CADM2: variants seen among roughly 807,000 people sequenced by gnomAD.
CADM2 encodes immunoglobulin superfamily member 4D.
In CADM2, 12 loss-of-function variants were observed where a neutral mutation model predicts 49.8. The ratio of observed to expected loss-of-function variants is 0.24; its 90% CI spans 0.15 to 0.39. CADM2 has a LOEUF of 0.39. CADM2 is among the 10% of genes least tolerant of loss of function. CADM2 has a pLI of 1.00. For synonymous variants in CADM2, 214 were observed against 175.4 expected, an observed-to-expected ratio of 1.22 and a Z score of -1.74; for missense variants, 378 against 492.3, an observed-to-expected ratio of 0.77 and a Z score of 2.20.
At chr3:85,662,225 A>G (rs904931823) in intron 1 of CADM2, among the ~76,000 whole-genome samples, 5 of 142,300 alleles carry the variant, frequency 3.5e-5, no homozygotes, top group Admixed American at 2.2e-4. Context: ...TTTTGACAGT[A>G]TAGGTGGGTT....
chr3:85,076,915 T>C (rs2036967775), intron 1 of CADM2, among the ~76,000 whole-genome samples: 1 of 152,038 alleles, frequency 6.6e-6, no homozygotes, highest in Non-Finnish European at 1.5e-5. Flanking sequence ...GAGGTTGCAG[T>C]GAGACAAGAT....
intron 1 of CADM2, among the ~76,000 whole-genome samples, chr3:85,548,658 G>C (rs1485399361): frequency 6.6e-6 from 1 of 152,096 alleles, no homozygotes; most frequent in Non-Finnish European, 1.5e-5. Flanking sequence ...CAGTTTTAAG[G>C]CTGAAGGTTT....
At chr3:85,780,349 C>A (rs1457350866) in intron 2 of CADM2, among the ~76,000 whole-genome samples, 2 of 152,172 alleles carry the variant, frequency 1.3e-5, no homozygotes, top group Admixed American at 6.6e-5. Context: ...TGTCCTCAAT[C>A]TTTCTGTTGA....
intron 1 of CADM2, among the ~76,000 whole-genome samples, chr3:85,023,081 T>C (rs2034576240): frequency 6.6e-6 from 1 of 152,124 alleles, no homozygotes; most frequent in African/African-American, 2.4e-5. Flanking sequence ...ACAAAGTGAA[T>C]AGTAAAGAAA....
intron 1 of CADM2, among the ~76,000 whole-genome samples, chr3:85,497,921 AT>A (rs2039969511): frequency 6.6e-6 from 1 of 152,016 alleles, no homozygotes. Flanking sequence ...ATATATATAC[AT>A]ATACACAGTC....
At chr3:85,871,884 C>T (rs900623792) in intron 3 of CADM2, among the ~76,000 whole-genome samples, 1 of 152,098 alleles carries the variant, frequency 6.6e-6, no homozygotes, top group African/African-American at 2.4e-5. Flanking sequence ...TTGGAAAATT[C>T]CCCAAAATAT....
intron 1 of CADM2, among the ~76,000 whole-genome samples, chr3:85,428,589 AAAT>A (rs955948097): frequency 8.2e-5 from 12 of 146,478 alleles, no homozygotes; most frequent in East Asian, 3.9e-4. Context: ...TACAAAATAA[AAAT>A]AATATTTATT....
intron 6 of CADM2, among the ~76,000 whole-genome samples, chr3:85,917,308 A>G (rs921934785): frequency 5.3e-5 from 8 of 152,260 alleles, no homozygotes; most frequent in African/African-American, 1.9e-4. Flanking sequence ...TAGGTCTAAC[A>G]TTTAAGTCTT....
At chr3:85,224,073 C>T (rs189509059) in intron 1 of CADM2, among the ~76,000 whole-genome samples, 23 of 152,090 alleles carry the variant, frequency 1.5e-4, no homozygotes, top group Admixed American at 1.0e-3. Flanking sequence ...TACATGTGCA[C>T]GTATCTTTAT....
chr3:85,999,142 AT>A lies in CADM2; in HGVS notation c.970+37497del, dbSNP rs1729803435. ...AGTCTAGGGAGGGAAATTCTTAGCA[AT>A]TACAGCAAGACTCATAGCACCAAAT... On this transcript the variant is annotated intron_variant, in intron 8 of 9. Coordinates refer to ENST00000383699, the MANE Select transcript of CADM2 (RefSeq NM_001167675.2). Among the ~76,000 whole-genome samples, 3 of 152,124 alleles carry A rather than the reference AT, an allele frequency of 2.0e-5. No individual in the cohort carries two copies. The South Asian group carries it at 6.2e-4, about 32-fold the overall frequency.
At chr3:85,857,694 T>C (rs1296284006) in intron 3 of CADM2, among the ~76,000 whole-genome samples, 2 of 152,128 alleles carry the variant, frequency 1.3e-5, no homozygotes, top group Admixed American at 6.5e-5. Flanking sequence ...GAGAGTGCAG[T>C]TGGTTCTTAT....
At chr3:85,550,069 C>T (rs1373141722) in intron 1 of CADM2, among the ~76,000 whole-genome samples, 1 of 152,088 alleles carries the variant, frequency 6.6e-6, no homozygotes, top group Admixed American at 6.6e-5. Context: ...GAGGCAAACA[C>T]TGTAACAGCC....
intron 1 of CADM2, among the ~76,000 whole-genome samples, chr3:85,045,328 C>A (rs1020062195): frequency 2.0e-5 from 3 of 152,092 alleles, no homozygotes; most frequent in African/African-American, 7.2e-5. Flanking sequence ...ACAAATTTAA[C>A]AGTAGAAAAC....
At chr3:85,370,685 T>G (rs2033164813) in intron 1 of CADM2, among the ~76,000 whole-genome samples, 1 of 152,176 alleles carries the variant, frequency 6.6e-6, no homozygotes, top group South Asian at 2.1e-4. Flanking sequence ...TAATCATTAT[T>G]TTTGAATGTA....
At chr3:84,999,423 G>A (rs1042099919) in intron 1 of CADM2, among the ~76,000 whole-genome samples, 6 of 152,074 alleles carry the variant, frequency 3.9e-5, no homozygotes, top group Non-Finnish European at 7.4e-5. Context: ...CCTGAACACA[G>A]TTTATCTAAC....
intron 1 of CADM2, among the ~76,000 whole-genome samples, chr3:85,114,227 G>A (rs1255091239): frequency 6.6e-6 from 1 of 151,972 alleles, no homozygotes; most frequent in Non-Finnish European, 1.5e-5. Context: ...GGGGAGAGGG[G>A]AAGTGAATAA....
rs1333371461 is a variant in CADM2, at chr3:85,012,613, T to C, written c.61+52945T>C. 2.6e-5 allele frequency among the ~76,000 whole-genome samples: 4 copies of C among 150,954 alleles called. No individual in the cohort carries two copies. The East Asian group carries it at 7.7e-4, about 29-fold the overall frequency. Reference sequence around the variant, plus strand: ...ATTCACTTTGTGTTCAGTAATAAGATAACACATAACCATTTAAACATTTTA... The same window carrying C: ...ATTCACTTTGTGTTCAGTAATAAGACAACACATAACCATTTAAACATTTTA... On this transcript the variant is annotated intron_variant, in intron 1 of 9. Transcript: ENST00000383699.
intron 1 of CADM2, among the ~76,000 whole-genome samples, chr3:85,479,041 T>A (rs978647143): frequency 6.6e-6 from 1 of 151,822 alleles, no homozygotes; most frequent in African/African-American, 2.4e-5. Context: ...CCTCCTGGGC[T>A]CAAGGGATCC....
At chr3:85,195,503 T>C (rs532067143) in intron 1 of CADM2, among the ~76,000 whole-genome samples, 11 of 151,612 alleles carry the variant, frequency 7.3e-5, no homozygotes, top group East Asian at 5.8e-4. Flanking sequence ...AATAAAAATA[T>C]ATATTTTGAC....
Sources: gnomAD v4.1 joint callset for allele counts (sites outside exome capture counted in the v4.1 genomes callset) on GRCh38, gnomAD v4.1.1 for gene constraint, MANE v1.5 for transcripts, NCBI Gene and HGNC (gene_info 2026-07-23, HGNC 2026-07-21) for gene names.